Variants in PCDH15 observed in about 807,000 individuals in gnomAD.
The protein encoded by PCDH15 is protocadherin related 15.
PCDH15 carries 129 observed loss-of-function variants against 178.5 expected under a neutral mutation model. The ratio of observed to expected loss-of-function variants is 0.72; its 90% CI spans 0.63 to 0.84. The LOEUF is 0.84. Among genes scored for constraint, PCDH15 ranks in the 40% least tolerant of loss-of-function variants. The probability of loss-of-function intolerance (pLI) is 0.00; values close to 1 mark genes in which losing one functional copy is unlikely to be tolerated. For synonymous variants in PCDH15, 800 were observed against 732.0 expected (o/e 1.09, Z -1.50); for missense variants, 2,230 against 2,099.9 (o/e 1.06, Z -1.21).
chr10:53,825,063 AACAGCATTT>A, intron 32 of PCDH15: 2 of 1,447,296 alleles, frequency 1.4e-6, no homozygotes, highest in South Asian at 3.0e-5. Context: ...TTTACAGTAC[AACAGCATTT>A]TAATCTGTTC....
chr10:54,121,123 A>G (rs1196211237), intron 15 of PCDH15, among the ~76,000 whole-genome samples: 1 of 152,132 alleles, frequency 6.6e-6, no homozygotes, highest in African/African-American at 2.4e-5. Context: ...GAAAATAGAA[A>G]GCAATACCAA....
chr10:55,535,264 C>A (rs1483469266), intron 2 of PCDH15, among the ~76,000 whole-genome samples: 1 of 151,766 alleles, frequency 6.6e-6, no homozygotes, highest in Admixed American at 6.6e-5. Flanking sequence ...TCAATATTGA[C>A]AGAATTGGTA....
intron 2 of PCDH15, among the ~76,000 whole-genome samples, chr10:54,545,239 T>C (rs1030462158): frequency 6.6e-6 from 1 of 152,202 alleles, no homozygotes; most frequent in African/African-American, 2.4e-5. Context: ...TCTACTAAAA[T>C]AGCTTCAATA....
chr10:54,945,411 G>C (rs946507880), intron 2 of PCDH15, among the ~76,000 whole-genome samples: 1 of 148,062 alleles, frequency 6.8e-6, no homozygotes, highest in African/African-American at 2.5e-5. Context: ...ACAAGACTCA[G>C]ATGACTACAC....
chr10:54,183,699 T>A, intron 12 of PCDH15, 106 bp from the exon 13 acceptor site: 1 of 1,306,330 alleles, frequency 7.7e-7, no homozygotes, highest in South Asian at 1.2e-5. Flanking sequence ...TCTTACAATT[T>A]GAAAGGGTGC....
intron 3 of PCDH15, among the ~76,000 whole-genome samples, chr10:54,500,592 G>A (rs1043723809): frequency 6.6e-6 from 1 of 152,126 alleles, no homozygotes; most frequent in Admixed American, 6.5e-5. Flanking sequence ...CACTTTGGGA[G>A]GCTGAGGTGA....
chr10:54,719,574 C>T (rs11004480), intron 1 of PCDH15, among the ~76,000 whole-genome samples: 18,518 of 151,786 alleles, frequency 0.12, 1,264 homozygotes, highest in African/African-American at 0.17. Context: ...GGTGGTTACA[C>T]AGATATATGT....
chr10:54,464,577 C>A (rs1192246342), intron 3 of PCDH15, among the ~76,000 whole-genome samples: 1 of 152,120 alleles, frequency 6.6e-6, no homozygotes, highest in Non-Finnish European at 1.5e-5. Context: ...CTCCCCTAGA[C>A]AAAATCTATA....
At chr10:54,462,669 A>G (rs1345235322) in intron 3 of PCDH15, among the ~76,000 whole-genome samples, 2 of 126,954 alleles carry the variant, frequency 1.6e-5, no homozygotes, top group Admixed American at 1.7e-4. Flanking sequence ...ACGTGTCACC[A>G]CACCTGCTTA....
At chr10:54,369,623 G>C (rs368785005) in intron 4 of PCDH15, among the ~76,000 whole-genome samples, 1 of 152,012 alleles carries the variant, frequency 6.6e-6, no homozygotes. Context: ...TGAAGAAAGT[G>C]TTAATTAATA....
At chr10:55,592,482 A>G (rs1475365267) in intron 2 of PCDH15, among the ~76,000 whole-genome samples, 1 of 152,180 alleles carries the variant, frequency 6.6e-6, no homozygotes, top group Non-Finnish European at 1.5e-5. Context: ...TATGGATTTT[A>G]GTAAATTATT....
intron 2 of PCDH15, among the ~76,000 whole-genome samples, chr10:55,375,722 C>A (rs182257846): frequency 1.3e-5 from 2 of 152,092 alleles, no homozygotes; most frequent in Admixed American, 1.3e-4. Flanking sequence ...ACCTTCAATC[C>A]CTTGTGATGT....
chr10:54,167,823 A>ACACCCCGAAC (rs2046405506), intron 13 of PCDH15, among the ~76,000 whole-genome samples: 3 of 142,826 alleles, frequency 2.1e-5, no homozygotes, highest in Non-Finnish European at 3.0e-5. Context: ...CCTTATTTCC[A>ACACCCCGAAC]TGCCCCAACC....
chr10:55,371,235 A>G (rs1845500876), intron 2 of PCDH15, among the ~76,000 whole-genome samples: 1 of 152,100 alleles, frequency 6.6e-6, no homozygotes, highest in African/African-American at 2.4e-5. Context: ...CAGACTGATT[A>G]TTCTCAAATG....
At chr10:54,434,793 A>G (rs752449104) in intron 3 of PCDH15, among the ~76,000 whole-genome samples, 1 of 152,222 alleles carries the variant, frequency 6.6e-6, no homozygotes, top group Non-Finnish European at 1.5e-5. Context: ...AGAATCCCTT[A>G]ACACAAAAAT....
intron 2 of PCDH15, among the ~76,000 whole-genome samples, chr10:55,492,134 A>G (rs920522869): frequency 1.3e-5 from 2 of 151,798 alleles, no homozygotes; most frequent in African/African-American, 4.8e-5. Context: ...TGCCTTGAAA[A>G]ATTTGTGCAT....
chr10:55,449,688 T>C (rs1033852814), intron 2 of PCDH15, among the ~76,000 whole-genome samples: 1 of 152,186 alleles, frequency 6.6e-6, no homozygotes, highest in East Asian at 1.9e-4. Context: ...AGACCTGAGA[T>C]ACCTATTAGG....
At chr10:54,451,453 A>C (rs1291344592) in intron 3 of PCDH15, among the ~76,000 whole-genome samples, 4 of 151,934 alleles carry the variant, frequency 2.6e-5, no homozygotes, top group Non-Finnish European at 5.9e-5. Context: ...ATCATTTGGA[A>C]AGAGTTTTGT....
chr10:55,494,777 G>A (rs987569708), intron 2 of PCDH15, among the ~76,000 whole-genome samples: 3 of 151,522 alleles, frequency 2.0e-5, no homozygotes, highest in Non-Finnish European at 4.4e-5. Context: ...ACTTTTATAA[G>A]TTTGTTATGA....
Sources: allele counts gnomAD v4.1 joint callset (sites outside exome capture counted in the v4.1 genomes callset), GRCh38; gene constraint gnomAD v4.1.1; transcripts MANE v1.5; gene names NCBI Gene and HGNC (gene_info 2026-07-23, HGNC 2026-07-21).